BTBD9: variants seen among roughly 807,000 people sequenced by gnomAD.
BTBD9 encodes BTB/POZ domain-containing protein 9.
In BTBD9, 49 loss-of-function variants were observed where a neutral mutation model predicts 64.3. The ratio of observed to expected loss-of-function variants is 0.76; its 90% confidence interval spans 0.61 to 0.97. The LOEUF (loss-of-function observed/expected upper bound fraction) is 0.97. Among genes scored for constraint, BTBD9 ranks in the 50% least tolerant of loss-of-function variants. The pLI is 0.00. For synonymous variants in BTBD9, 260 were observed against 274.7 expected (o/e 0.95, Z 0.53); for missense variants, 598 against 762.1 (o/e 0.78, Z 2.53).
rs45611932 is a variant in BTBD9 at position 38,171,874 on chromosome 6, A to C, written c.*3111T>G. On this transcript the variant is annotated 3_prime_UTR_variant, in exon 11 of 11. Coordinates refer to ENST00000481247, the MANE Select transcript of BTBD9 (RefSeq NM_001099272.2). Reference sequence around the variant, plus strand: ...AAAAAAAAAAAAAAAAAAAAAAAAAAAAAAAAAATAATAATAATAATAATA... The same window carrying C: ...AAAAAAAAAAAAAAAAAAAAAAAAACAAAAAAAATAATAATAATAATAATA... 9.0e-6 allele frequency: 1 copy of C among 111,724 alleles called. No homozygotes were observed. The highest frequency in any genetic ancestry group is 3.5e-5 in the African/African-American group (1 of 28,238). The allele number at this position is 111,724 out of a possible 1,614,324, so 6.9% of individuals were successfully genotyped here. A position where few individuals can be genotyped will look rare whatever the true frequency, so the allele number is the denominator to read the frequency against.
chr6:38,189,973 C>CT (rs55886750), intron 10 of BTBD9, among the ~76,000 whole-genome samples: 72,893 of 135,450 alleles, frequency 0.54, 20,182 homozygotes, highest in African/African-American at 0.59. Flanking sequence ...CAGGCCCAGC[C>CT]TTTTTTTTTT....
chr6:38,512,843 C>T (rs6915097), intron 6 of BTBD9, among the ~76,000 whole-genome samples: 152,241 of 152,362 alleles, frequency 1, 76,060 homozygotes, highest in Non-Finnish European at 1. Context: ...GATCTAAGTA[C>T]TTCCATATAG....
intron 6 of BTBD9, among the ~76,000 whole-genome samples, chr6:38,528,625 C>T (rs1773628847): frequency 6.6e-6 from 1 of 152,150 alleles, no homozygotes; most frequent in Non-Finnish European, 1.5e-5. Flanking sequence ...TCCTGAGGCC[C>T]CCATTCCAGG....
intron 6 of BTBD9, among the ~76,000 whole-genome samples, chr6:38,551,493 T>C (rs1395664991): frequency 6.6e-6 from 1 of 152,202 alleles, no homozygotes; most frequent in Non-Finnish European, 1.5e-5. Context: ...AATCCCTTTA[T>C]ATTATTCTTA....
rs1252428392 is a variant in BTBD9, at chr6:38,188,279, C to T, written c.1641+4240G>A. On this transcript the variant is annotated intron_variant, in intron 10 of 10. Transcript: ENST00000481247. Reference sequence around the variant, plus strand: ...ATGACTTCAGGTCTCTCTAAACAGCCAGCTGCTCTGCTAGCTGCTACTTAC... The same window carrying T: ...ATGACTTCAGGTCTCTCTAAACAGCTAGCTGCTCTGCTAGCTGCTACTTAC... Among the ~76,000 whole-genome samples, 4 of 152,226 alleles carry T rather than the reference C, an allele frequency of 2.6e-5. No homozygotes were observed. In the East Asian group the frequency reaches 7.7e-4, roughly 29 times the overall value.
chr6:38,521,388 T>G (rs978862789), intron 6 of BTBD9, among the ~76,000 whole-genome samples: 2 of 152,222 alleles, frequency 1.3e-5, no homozygotes, highest in African/African-American at 4.8e-5. Context: ...ATTAGCAGCT[T>G]TTCTACTTTA....
intron 9 of BTBD9, among the ~76,000 whole-genome samples, chr6:38,251,093 A>AAT (rs199810466): frequency 0.017 from 2,581 of 149,184 alleles, 36 homozygotes; most frequent in African/African-American, 0.037. Context: ...GAAAAAAAAA[A>AAT]AATAATAATA....
intron 6 of BTBD9, among the ~76,000 whole-genome samples, chr6:38,533,840 T>G (rs1258539281): frequency 6.6e-6 from 1 of 151,918 alleles, no homozygotes; most frequent in African/African-American, 2.4e-5. Context: ...TTCAAACAAA[T>G]GATAATGAAA....
chr6:38,290,101 T>C lies in BTBD9; in HGVS notation c.1265-1640A>G, dbSNP rs546223950. Among the ~76,000 whole-genome samples, 167 of 150,672 alleles carry C rather than the reference T, an allele frequency of 1.1e-3. 1 individual carries two copies. Among genetic ancestry groups the C allele is most frequent in the African/African-American group, 3.9e-3 (160 of 40,920 alleles). ...TGCTTGTACTTAAGCCCTCATCTCGTATGCCTTCACTAATTGCTTTGCTCT... is the reference window on the plus strand; with the variant it reads ...TGCTTGTACTTAAGCCCTCATCTCGCATGCCTTCACTAATTGCTTTGCTCT... On this transcript the variant is annotated intron_variant, in intron 7 of 10. Coordinates refer to ENST00000481247, the MANE Select transcript of BTBD9 (RefSeq NM_001099272.2).
chr6:38,538,010 T>C (rs1349318778), intron 6 of BTBD9, among the ~76,000 whole-genome samples: 1 of 152,200 alleles, frequency 6.6e-6, no homozygotes. Context: ...CCCTGGACTA[T>C]TAAGTGAGAG....
chr6:38,599,781 A>G (rs1777181785), intron 1 of BTBD9, among the ~76,000 whole-genome samples: 2 of 152,232 alleles, frequency 1.3e-5, no homozygotes, highest in African/African-American at 4.8e-5. Flanking sequence ...CCAAGTTCCG[A>G]ATCTGCCTGC....
At chr6:38,439,107 T>C (rs1768893876) in intron 6 of BTBD9, among the ~76,000 whole-genome samples, 2 of 142,838 alleles carry the variant, frequency 1.4e-5, no homozygotes, top group Admixed American at 7.2e-5. Flanking sequence ...GTGTAGCAAC[T>C]GACTTTTTTT....
At chr6:38,367,018 T>C (rs1342438283) in intron 6 of BTBD9, among the ~76,000 whole-genome samples, 2 of 152,186 alleles carry the variant, frequency 1.3e-5, no homozygotes, top group African/African-American at 4.8e-5. Context: ...GGCCGAGTTG[T>C]TTTTCTTGAA....
chr6:38,433,160 T>C (rs1224704522), intron 6 of BTBD9, among the ~76,000 whole-genome samples: 1 of 151,972 alleles, frequency 6.6e-6, no homozygotes, highest in Non-Finnish European at 1.5e-5. Flanking sequence ...CCAAGTTCAT[T>C]CCATCTTTGA....
intron 9 of BTBD9, among the ~76,000 whole-genome samples, chr6:38,252,009 A>G (rs1026830981): frequency 6.6e-6 from 1 of 152,198 alleles, no homozygotes; most frequent in Non-Finnish European, 1.5e-5. Flanking sequence ...AGTCACTATA[A>G]AAATGGAGTT....
At chr6:38,591,896 C>G (rs1031871440) in intron 4 of BTBD9, among the ~76,000 whole-genome samples, 1 of 152,076 alleles carries the variant, frequency 6.6e-6, no homozygotes, top group Non-Finnish European at 1.5e-5. Context: ...TTAGAATCTC[C>G]ATGTTCAGCC....
intron 8 of BTBD9, among the ~76,000 whole-genome samples, chr6:38,266,601 GAAAGGAAAGAAAGAAAGAAAGAAA>G (rs1446493346): frequency 9.1e-5 from 9 of 99,038 alleles, no homozygotes; most frequent in Non-Finnish European, 1.6e-4. Flanking sequence ...AGAAAGGAAA[GAAAGGAAAGAAAGAAAGAAAGAAA>G]GAAAGAAAGA....
chr6:38,613,299 T>A (rs1447149911), intron 1 of BTBD9, among the ~76,000 whole-genome samples: 1 of 152,110 alleles, frequency 6.6e-6, no homozygotes, highest in Non-Finnish European at 1.5e-5. Flanking sequence ...GGAAAGGCAA[T>A]AAAGAGTATC....
At chr6:38,500,968 T>C (rs1772169412) in intron 6 of BTBD9, among the ~76,000 whole-genome samples, 1 of 152,228 alleles carries the variant, frequency 6.6e-6, no homozygotes, top group Non-Finnish European at 1.5e-5. Context: ...GTTTAATGTA[T>C]ACAATATAGA....
Sources: gnomAD v4.1 joint callset for allele counts (sites outside exome capture counted in the v4.1 genomes callset) on GRCh38, gnomAD v4.1.1 for gene constraint, MANE v1.5 for transcripts, NCBI Gene and HGNC (gene_info 2026-07-23, HGNC 2026-07-21) for gene names.